The following ZNF407 variants were observed in gnomAD, a reference collection of about 807,000 sequenced individuals.
The protein encoded by ZNF407 is zinc finger protein 407.
Under a neutral mutation model 131.2 loss-of-function variants are expected in ZNF407, and 17 were observed. The observed-to-expected ratio is 0.13, with a 90% CI of 0.09 to 0.19. ZNF407 has a LOEUF of 0.19. Among genes scored for constraint, ZNF407 ranks in the 10% least tolerant of loss-of-function variants. ZNF407 has a pLI of 1.00. For synonymous variants in ZNF407, 1,156 were observed against 1,062.0 expected, an observed-to-expected ratio of 1.09 and a Z score of -1.72; for missense variants, 2,681 against 2,830.6, an observed-to-expected ratio of 0.95 and a Z score of 1.20.
chr18:74,865,149 A>G (rs981634032), intron 4 of ZNF407, among the ~76,000 whole-genome samples: 3 of 152,184 alleles, frequency 2.0e-5, no homozygotes, highest in East Asian at 1.9e-4. Flanking sequence ...TACTTGGCCA[A>G]CGCTCAGAGC....
rs778514469 is a variant in ZNF407, at chr18:74,713,718, C to T, written c.4803-67710C>T. 9.9e-5 allele frequency among the ~76,000 whole-genome samples: 15 copies of T among 151,974 alleles called. 1 individual carries two copies. The highest frequency in any genetic ancestry group is 2.1e-4 in the South Asian group (1 of 4,818). On this transcript the variant is annotated intron_variant, in intron 3 of 8. Coordinates refer to ENST00000299687, the MANE Select transcript of ZNF407 (RefSeq NM_017757.3). ...TTTTGTAATACGTGTACAAACAGAC[C>T]GTGCTATAGAGAATAGCCTATATTC...
intron 8 of ZNF407, among the ~76,000 whole-genome samples, chr18:75,001,317 G>C (rs768635355): frequency 6.6e-6 from 1 of 152,156 alleles, no homozygotes; most frequent in Non-Finnish European, 1.5e-5. Context: ...TTTATGAAAT[G>C]TTTCTAATTT....
chr18:75,046,515 T>G (rs1018161554), intron 8 of ZNF407, among the ~76,000 whole-genome samples: 1 of 152,210 alleles, frequency 6.6e-6, no homozygotes, highest in African/African-American at 2.4e-5. Flanking sequence ...GGGGAGATTT[T>G]TAATAGTCCT....
At chr18:75,047,615 T>C (rs934505791) in intron 8 of ZNF407, among the ~76,000 whole-genome samples, 1 of 152,248 alleles carries the variant, frequency 6.6e-6, no homozygotes, top group Non-Finnish European at 1.5e-5. Flanking sequence ...TCAGATATTT[T>C]AGTAATACTT....
chr18:74,835,626 GGGGGT>G (rs1568235380), intron 4 of ZNF407, among the ~76,000 whole-genome samples: 1 of 58,754 alleles, frequency 1.7e-5, no homozygotes, highest in African/African-American at 7.4e-5. Flanking sequence ...TTGGACAGAG[GGGGGT>G]GTGTGTGTGT....
intron 3 of ZNF407, among the ~76,000 whole-genome samples, chr18:74,748,284 C>CTTT (rs35881659): frequency 1.4e-5 from 2 of 138,692 alleles, no homozygotes; most frequent in Non-Finnish European, 1.6e-5. Context: ...AAAATTCTTT[C>CTTT]TTTTTTTTTT....
chr18:75,062,988 C>T (rs558781897), intron 8 of ZNF407, 162 bp from the exon 9 acceptor site: 1 of 631,342 alleles, frequency 1.6e-6, no homozygotes, highest in South Asian at 2.4e-5. Flanking sequence ...CCACGGAGGC[C>T]TCTGGCCCTG....
intron 8 of ZNF407, among the ~76,000 whole-genome samples, chr18:74,995,144 T>C (rs1972765380): frequency 6.6e-6 from 1 of 152,206 alleles, no homozygotes; most frequent in African/African-American, 2.4e-5. Context: ...GGCTGACTTA[T>C]ATTTGCAAAT....
At chr18:74,795,102 GT>G (rs1181040981) in intron 4 of ZNF407, among the ~76,000 whole-genome samples, 1 of 151,602 alleles carries the variant, frequency 6.6e-6, no homozygotes, top group Non-Finnish European at 1.5e-5. Context: ...GTTAGCATTT[GT>G]TTATATGTAA....
At chr18:74,607,351 C>T (rs932313064) in intron 1 of ZNF407, among the ~76,000 whole-genome samples, 9 of 152,200 alleles carry the variant, frequency 5.9e-5, no homozygotes, top group Admixed American at 4.6e-4. Flanking sequence ...TCTCTCAGGC[C>T]GCTTGTAAGA....
intron 3 of ZNF407, among the ~76,000 whole-genome samples, chr18:74,721,198 G>C (rs1968028098): frequency 6.6e-6 from 1 of 151,924 alleles, no homozygotes; most frequent in South Asian, 2.1e-4. Flanking sequence ...CCTTGTAGAG[G>C]TCTTTCACCT....
chr18:74,796,210 A>G (rs1440090652), intron 4 of ZNF407, among the ~76,000 whole-genome samples: 1 of 152,268 alleles, frequency 6.6e-6, no homozygotes, highest in African/African-American at 2.4e-5. Context: ...AATATAATAG[A>G]ACTGTCATCC....
At chr18:74,598,474 G>T (rs1212775871) in intron 1 of ZNF407, 2 of 152,314 alleles carry the variant, frequency 1.3e-5, no homozygotes, top group Non-Finnish European at 2.9e-5. Flanking sequence ...CTGCACAGCT[G>T]CAAGCTTTAG....
intron 8 of ZNF407, among the ~76,000 whole-genome samples, chr18:74,995,052 C>G (rs1222901419): frequency 2.0e-5 from 3 of 152,172 alleles, no homozygotes; most frequent in African/African-American, 7.2e-5. Flanking sequence ...TTTTCTTTCT[C>G]TGACTTCCTG....
At chr18:74,841,640 A>C (rs150052552) in intron 4 of ZNF407, among the ~76,000 whole-genome samples, 1 of 152,354 alleles carries the variant, frequency 6.6e-6, no homozygotes, top group Non-Finnish European at 1.5e-5. Flanking sequence ...GTTGTTGCTA[A>C]TGATGTTAAT....
Position 74,890,070 on chromosome 18 carries a change from G to A in ZNF407, c.5249+32G>A, listed in dbSNP as rs1161998381. 5 of 1,475,494 alleles carry A rather than the reference G, an allele frequency of 3.4e-6. No homozygotes were observed. In the South Asian group the frequency reaches 7.6e-5, roughly 22 times the overall value. The allele number at this position is 1,475,494 out of a possible 1,614,324, so 91.4% of individuals were successfully genotyped here. The stretch of plus-strand genomic sequence containing the variant: ...ACTCATCACTGAGCAGTCAAATCAG[G>A]TGGGCCGCCATGATGGATTAAAAGC... On this transcript the variant is annotated intron_variant, in intron 7 of 8. Coordinates refer to ENST00000299687, the MANE Select transcript of ZNF407 (RefSeq NM_017757.3).
intron 8 of ZNF407, among the ~76,000 whole-genome samples, chr18:75,054,268 G>T (rs1185292890): frequency 6.6e-6 from 1 of 152,226 alleles, no homozygotes; most frequent in African/African-American, 2.4e-5. Flanking sequence ...TTTTACCCCA[G>T]CCGTCGGTTC....
At chr18:74,734,527 T>G (rs755588696) in intron 3 of ZNF407, among the ~76,000 whole-genome samples, 3 of 152,222 alleles carry the variant, frequency 2.0e-5, no homozygotes, top group Non-Finnish European at 2.9e-5. Context: ...CTTTTATAAG[T>G]GTTTTTAATT....
chr18:74,957,325 C>T (rs1463611883), intron 8 of ZNF407, among the ~76,000 whole-genome samples: 1 of 152,136 alleles, frequency 6.6e-6, no homozygotes, highest in Non-Finnish European at 1.5e-5. Flanking sequence ...AGTCCCGTCG[C>T]CCTTTCCATA....
Sources: allele counts gnomAD v4.1 joint callset (sites outside exome capture counted in the v4.1 genomes callset), GRCh38; gene constraint gnomAD v4.1.1; transcripts MANE v1.5; gene names NCBI Gene and HGNC (gene_info 2026-07-23, HGNC 2026-07-21).